LTBP1: variants seen among roughly 807,000 people sequenced by gnomAD.
LTBP1 encodes latent-transforming growth factor beta-binding protein 1.
In LTBP1, 129 loss-of-function variants were observed where a neutral mutation model predicts 207.6. The ratio of observed to expected loss-of-function variants is 0.62; its 90% confidence interval spans 0.54 to 0.72. The LOEUF (loss-of-function observed/expected upper bound fraction) is 0.72. LTBP1 is among the 30% of genes least tolerant of loss of function. LTBP1 has a pLI of 0.00. For missense variants in LTBP1, 2,281 were observed against 2,217.2 expected (o/e 1.03, Z -0.58); for synonymous variants, 963 against 833.7 (o/e 1.16, Z -2.67).
intron 5 of LTBP1, among the ~76,000 whole-genome samples, chr2:33,156,420 C>A (rs115044113): frequency 6.6e-6 from 1 of 152,200 alleles, no homozygotes; most frequent in African/African-American, 2.4e-5. Flanking sequence ...TTTCTTCCAT[C>A]GCATCTGACT....
chr2:33,398,695 G>T lies in LTBP1; in HGVS notation c.*150G>T, dbSNP rs111774107. On this transcript the variant is annotated 3_prime_UTR_variant, in exon 34 of 34. Coordinates refer to ENST00000404816, the MANE Select transcript of LTBP1 (RefSeq NM_206943.4). ...GCAAGTCCTCTGAAGACAATGAGAG[G>T]ATTTAGGATGAGCCCGATAGGTGTG... The T allele has an allele frequency of 0.013, 8,937 of 683,746 alleles. 97 individuals are homozygous for T. The highest frequency in any genetic ancestry group is 0.03 in the Middle Eastern group (71 of 2,378). 42.4% of individuals were successfully genotyped at this position (683,746 alleles called of 1,614,324 possible).
intron 4 of LTBP1, among the ~76,000 whole-genome samples, chr2:33,113,126 A>G (rs2080512275): frequency 6.6e-6 from 1 of 152,186 alleles, no homozygotes; most frequent in African/African-American, 2.4e-5. Flanking sequence ...GGAACTAGAG[A>G]AGCGGTTGAA....
At chr2:33,248,742 A>G (rs1304542800) in intron 10 of LTBP1, among the ~76,000 whole-genome samples, 1 of 151,940 alleles carries the variant, frequency 6.6e-6, no homozygotes, top group African/African-American at 2.4e-5. Flanking sequence ...GTGCGCCACC[A>G]CACCCGGCTA....
chr2:33,257,716 C>T (rs2092902994), intron 12 of LTBP1, among the ~76,000 whole-genome samples: 1 of 152,174 alleles, frequency 6.6e-6, no homozygotes, highest in Non-Finnish European at 1.5e-5. Flanking sequence ...TAGTAGATAA[C>T]AATATTCCAT....
chr2:33,068,631 G>C (rs1050182880), intron 3 of LTBP1, among the ~76,000 whole-genome samples: 1 of 152,050 alleles, frequency 6.6e-6, no homozygotes, highest in African/African-American at 2.4e-5. Flanking sequence ...GGCAACCACT[G>C]ATCTTTTTAT....
At chr2:33,343,040 T>G in intron 25 of LTBP1, 77 bp downstream of exon 25, 1 of 1,485,814 alleles carries the variant, frequency 6.7e-7, no homozygotes, top group East Asian at 2.3e-5. Context: ...ACAGGAGCTT[T>G]TAAGCAGGTA....
chr2:33,269,333 A>T (rs1373172252), intron 15 of LTBP1, among the ~76,000 whole-genome samples: 1 of 152,082 alleles, frequency 6.6e-6, no homozygotes, highest in African/African-American at 2.4e-5. Context: ...CTTTTTCCAT[A>T]TTCTAGATGG....
At chr2:33,160,762 T>C (rs1257305542) in intron 5 of LTBP1, among the ~76,000 whole-genome samples, 2 of 152,174 alleles carry the variant, frequency 1.3e-5, no homozygotes, top group Non-Finnish European at 1.5e-5. Context: ...GGATAGAAGG[T>C]AGATTTTATT....
At chr2:33,239,935 T>TAAAA (rs1426405820) in intron 9 of LTBP1, among the ~76,000 whole-genome samples, 22 of 151,344 alleles carry the variant, frequency 1.5e-4, no homozygotes, top group Non-Finnish European at 8.8e-5. Context: ...AATAAATAAA[T>TAAAA]AAAAATATGA....
chr2:33,148,262 AT>A (rs1295980637), intron 5 of LTBP1, among the ~76,000 whole-genome samples: 8 of 152,332 alleles, frequency 5.3e-5, no homozygotes, highest in African/African-American at 1.9e-4. Context: ...ACCATCTTTA[AT>A]TTGAGACAAG....
At position 33,274,827 on chromosome 2, in the gene LTBP1, C is replaced by T. The variant is rs76313036; in HGVS notation, c.2744-138C>T. 5.4e-3 allele frequency: 4,021 copies of T among 742,384 alleles called. 99 individuals carry two copies. The African/African-American group carries it at 0.057, about 11-fold the overall frequency. The allele number at this position is 742,384 out of a possible 1,614,324, so 46.0% of individuals were successfully genotyped here. Reference sequence around the variant, plus strand: ...CCTTCAAGTACGCGAGGAGAAAGATCGTGTCTCCTTTTGCTGTTGTCCTCA... The same window carrying T: ...CCTTCAAGTACGCGAGGAGAAAGATTGTGTCTCCTTTTGCTGTTGTCCTCA... On this transcript the variant is annotated intron_variant, in intron 16 of 33. Coordinates refer to ENST00000404816, the MANE Select transcript of LTBP1 (RefSeq NM_206943.4).
At chr2:33,102,783 C>T (rs1295520509) in intron 3 of LTBP1, among the ~76,000 whole-genome samples, 2 of 152,176 alleles carry the variant, frequency 1.3e-5, no homozygotes, top group Non-Finnish European at 2.9e-5. Flanking sequence ...ATGCTGAATG[C>T]ACAGTCTATA....
intron 25 of LTBP1, among the ~76,000 whole-genome samples, chr2:33,347,145 A>G (rs2094715022): frequency 6.7e-6 from 1 of 149,696 alleles, no homozygotes; most frequent in Non-Finnish European, 1.5e-5. Context: ...AAAAAAACCT[A>G]AATTCGGAAT....
chr2:33,270,412 A>G (rs1209183639), intron 15 of LTBP1, among the ~76,000 whole-genome samples: 5 of 151,180 alleles, frequency 3.3e-5, no homozygotes, highest in Admixed American at 6.6e-5. Flanking sequence ...ACACGATGAA[A>G]CCCCGTCTCT....
chr2:33,137,670 A>G (rs2082255010), intron 5 of LTBP1, among the ~76,000 whole-genome samples: 1 of 151,988 alleles, frequency 6.6e-6, no homozygotes, highest in Non-Finnish European at 1.5e-5. Context: ...AATAATTTCC[A>G]ACATTTGCAT....
At chr2:33,099,508 T>A (rs2079586200) in intron 3 of LTBP1, among the ~76,000 whole-genome samples, 1 of 152,206 alleles carries the variant, frequency 6.6e-6, no homozygotes, top group Admixed American at 6.5e-5. Context: ...CTACAGTTCT[T>A]GATGTGCTAG....
intron 5 of LTBP1, among the ~76,000 whole-genome samples, chr2:33,178,307 A>G (rs78241387): frequency 0.031 from 4,769 of 152,274 alleles, 104 homozygotes; most frequent in Middle Eastern, 0.14. Flanking sequence ...CATGCCTAAT[A>G]TATGGAGCTC....
chr2:33,042,054 C>T (rs994484797), intron 3 of LTBP1, among the ~76,000 whole-genome samples: 2 of 152,152 alleles, frequency 1.3e-5, no homozygotes, highest in Admixed American at 1.3e-4. Context: ...GGTGTATAGT[C>T]GTAGCTCATT....
intron 18 of LTBP1, among the ~76,000 whole-genome samples, chr2:33,279,386 G>GACTT (rs1406932105): frequency 1.3e-5 from 2 of 152,010 alleles, no homozygotes; most frequent in Admixed American, 1.3e-4. Context: ...GATGATTAAT[G>GACTT]ACTTCAGTTA....
Sources: allele counts gnomAD v4.1 joint callset (sites outside exome capture counted in the v4.1 genomes callset), GRCh38; gene constraint gnomAD v4.1.1; transcripts MANE v1.5; gene names NCBI Gene and HGNC (gene_info 2026-07-23, HGNC 2026-07-21).